The following THRAP3 variants were observed in gnomAD, a reference collection of about 807,000 sequenced individuals.
THRAP3 encodes the protein thyroid hormone receptor associated protein 3.
A neutral mutation model predicts 101.0 loss-of-function variants in THRAP3; 16 were observed. The ratio of observed to expected loss-of-function variants is 0.16; its 90% CI spans 0.11 to 0.24. THRAP3 has a LOEUF of 0.24. THRAP3 is among the 10% of genes least tolerant of loss of function. The pLI is 1.00. For missense variants in THRAP3, 989 were observed against 1,202.7 expected (o/e 0.82, Z 2.63); for synonymous variants, 407 against 422.6 (o/e 0.96, Z 0.45).
intron 3 of THRAP3, among the ~76,000 whole-genome samples, chr1:36,284,998 T>C (rs1368893860): frequency 6.6e-6 from 1 of 152,222 alleles, no homozygotes; most frequent in Non-Finnish European, 1.5e-5. Context: ...GTTGCTCTTA[T>C]TCATGGTGTA....
At position 36,241,174 on chromosome 1, in the gene THRAP3, C is replaced by T. The variant is rs186878678; in HGVS notation, c.-135+16669C>T. On this transcript the variant is annotated intron_variant, in intron 1 of 11. Coordinates refer to ENST00000354618, the MANE Select transcript of THRAP3 (RefSeq NM_005119.4). Reference sequence around the variant, plus strand: ...GTGAGCCGAGATCGGGCCTGGGCGACAGTGCAAGACTCCGTTTCAAAAAAA... The same window carrying T: ...GTGAGCCGAGATCGGGCCTGGGCGATAGTGCAAGACTCCGTTTCAAAAAAA... Among the ~76,000 whole-genome samples the T allele has an allele frequency of 5.5e-4, 69 of 126,284 alleles. No homozygotes were observed. In the East Asian group the frequency reaches 0.015, roughly 27 times the overall value. The allele number at this position is 126,284 out of a possible 152,430, so 82.8% of individuals were successfully genotyped here.
the THRAP3 span, among the ~76,000 whole-genome samples, chr1:36,210,165 G>C: frequency 1.3e-5 from 2 of 151,782 alleles, no homozygotes; most frequent in African/African-American, 2.4e-5. Context: ...AGAAGATCGA[G>C]ACCATCCTGG....
At chr1:36,295,817 A>G (rs1478599801) in intron 8 of THRAP3, among the ~76,000 whole-genome samples, 3 of 152,054 alleles carry the variant, frequency 2.0e-5, no homozygotes, top group Admixed American at 1.3e-4. Context: ...ACTCAGAGAT[A>G]ATTCCAAGTG....
At chr1:36,251,278 G>A (rs1645297362) in intron 1 of THRAP3, among the ~76,000 whole-genome samples, 1 of 152,144 alleles carries the variant, frequency 6.6e-6, no homozygotes, top group African/African-American at 2.4e-5. Context: ...TAAGTTCTGG[G>A]AAAGTAGTCA....
intron 1 of THRAP3, among the ~76,000 whole-genome samples, chr1:36,244,049 G>A (rs544921304): frequency 1.3e-4 from 19 of 151,690 alleles, no homozygotes; most frequent in African/African-American, 3.4e-4. Flanking sequence ...TCCCGGACGG[G>A]GCGGCTGGCC....
intron 1 of THRAP3, among the ~76,000 whole-genome samples, chr1:36,244,245 TG>T (rs1333544164): frequency 6.6e-6 from 1 of 152,256 alleles, no homozygotes; most frequent in Non-Finnish European, 1.5e-5. Context: ...ATGGACATTT[TG>T]GATAGGCATC....
At chr1:36,230,158 G>T (rs1248249956) in intron 1 of THRAP3, among the ~76,000 whole-genome samples, 1 of 150,714 alleles carries the variant, frequency 6.6e-6, no homozygotes, top group African/African-American at 2.4e-5. Flanking sequence ...TTTTGTTCTT[G>T]TCCAGGCTGG....
chr1:36,293,789 A>C, intron 7 of THRAP3, 62 bp from the exon 8 acceptor site: 1 of 1,406,370 alleles, frequency 7.1e-7, no homozygotes, highest in Middle Eastern at 1.8e-4. Flanking sequence ...TAAGAGCTAG[A>C]ATATTACCAG....
intron 6 of THRAP3, 69 bp from the exon 7 acceptor site, chr1:36,292,529 G>T: frequency 7.9e-7 from 1 of 1,262,956 alleles, no homozygotes; most frequent in Non-Finnish European, 1.1e-6. Context: ...CTCGGCCTCC[G>T]AAAGTGGTGG....
intron 1 of THRAP3, among the ~76,000 whole-genome samples, chr1:36,224,745 C>T (rs1053490542): frequency 6.6e-6 from 1 of 152,168 alleles, no homozygotes; most frequent in South Asian, 2.1e-4. Flanking sequence ...TGGTCGCCTT[C>T]TCTGCAGAGC....
chr1:36,224,404 T>A (rs573373665), upstream of THRAP3: 1 of 152,774 alleles, frequency 6.5e-6, no homozygotes, highest in African/African-American at 2.4e-5. Flanking sequence ...GCCGTCGCCG[T>A]CGTCGGAGAG....
rs200942337 is a variant in THRAP3, at chr1:36,282,647, G to A, written c.84G>A (p.Ser28=). ...CAAGATCTCGTTCTCGTTCATTTTCGAAGTCTCGGTCCCGAAGCCGATCTC... is the reference window on the plus strand; with the variant it reads ...CAAGATCTCGTTCTCGTTCATTTTCAAAGTCTCGGTCCCGAAGCCGATCTC... ...SASRSRSRSF[S]KSRSRSRSLS... The change falls in exon 3 of 12, where the codon TCG becomes TCA. Residue 28 remains serine (S), a synonymous_variant. Transcript: ENST00000354618. 881 of 1,614,044 alleles carry A rather than the reference G, an allele frequency of 5.5e-4. 3 individuals carry two copies. The highest frequency in any genetic ancestry group is 2.0e-3 in the Admixed American group (121 of 60,002).
intron 1 of THRAP3, among the ~76,000 whole-genome samples, chr1:36,228,160 G>T (rs1644983784): frequency 6.7e-6 from 1 of 150,070 alleles, no homozygotes; most frequent in African/African-American, 2.5e-5. Context: ...AGTTCTCCCT[G>T]CCTTAGCCTC....
At chr1:36,217,020 A>T in the THRAP3 span, among the ~76,000 whole-genome samples, 1 of 152,154 alleles carries the variant, frequency 6.6e-6, no homozygotes, top group Non-Finnish European at 1.5e-5. Context: ...AAGGGACCAC[A>T]TCTGTTTTGT....
chr1:36,253,785 T>TTTTTTTTTTTTTTTTTTTTTTTTG, intron 1 of THRAP3, among the ~76,000 whole-genome samples: 1 of 149,038 alleles, frequency 6.7e-6, no homozygotes, highest in African/African-American at 2.5e-5. Flanking sequence ...TTTTTAGTTT[T>TTTTTTTTTTTTTTTTTTTTTTTTG]TGTAGAGACG....
the THRAP3 span, among the ~76,000 whole-genome samples, chr1:36,210,140 G>A: frequency 1.3e-5 from 2 of 152,032 alleles, no homozygotes; most frequent in African/African-American, 4.8e-5. Flanking sequence ...GCCGAGGCGG[G>A]AGGATCACAA....
the THRAP3 span, among the ~76,000 whole-genome samples, chr1:36,208,850 A>G: frequency 6.6e-6 from 1 of 150,858 alleles, no homozygotes; most frequent in Non-Finnish European, 1.5e-5. Flanking sequence ...TACTTTTTGT[A>G]GAGACGGGGT....
At chr1:36,239,728 A>T (rs1327307803) in intron 1 of THRAP3, among the ~76,000 whole-genome samples, 1 of 152,236 alleles carries the variant, frequency 6.6e-6, no homozygotes, top group Non-Finnish European at 1.5e-5. Flanking sequence ...CATACAAAAA[A>T]GTTGAAACAA....
chr1:36,263,032 T>A (rs1236135252), intron 2 of THRAP3, among the ~76,000 whole-genome samples: 2 of 148,542 alleles, frequency 1.3e-5, no homozygotes, highest in Non-Finnish European at 3.0e-5. Context: ...GGATGGTCTC[T>A]ATCTCCTGAC....
Sources: gnomAD v4.1 joint callset for allele counts (sites outside exome capture counted in the v4.1 genomes callset) on GRCh38, gnomAD v4.1.1 for gene constraint, MANE v1.5 for transcripts, NCBI Gene and HGNC (gene_info 2026-07-23, HGNC 2026-07-21) for gene names.